SORCS3: variants seen among roughly 807,000 people sequenced by gnomAD.
SORCS3 encodes the protein sortilin related VPS10 domain containing receptor 3.
Under a neutral mutation model 146.3 loss-of-function variants are expected in SORCS3, and 57 were observed. The observed-to-expected ratio is 0.39, with a 90% CI of 0.31 to 0.49. The LOEUF (loss-of-function observed/expected upper bound fraction) is 0.49. Ranked by LOEUF, SORCS3 falls within the 20% of genes least tolerant of loss-of-function variation. The pLI is 0.92. For missense variants in SORCS3, 1,341 were observed against 1,575.5 expected (o/e 0.85, Z 2.52); for synonymous variants, 653 against 618.5 (o/e 1.06, Z -0.83).
intron 2 of SORCS3, among the ~76,000 whole-genome samples, chr10:104,893,721 T>A (rs1401098817): frequency 6.6e-6 from 1 of 152,228 alleles, no homozygotes; most frequent in Non-Finnish European, 1.5e-5. Context: ...GCTCTGCATG[T>A]CGCAAAGAAT....
chr10:104,805,351 C>T lies in SORCS3; in HGVS notation c.628-37441C>T, dbSNP rs76722260. On this transcript the variant is annotated intron_variant, in intron 1 of 26. Coordinates refer to ENST00000369701, the MANE Select transcript of SORCS3 (RefSeq NM_014978.3). ...TTTTGAGAGGGTGACTGAAAGTCAT[C>T]CAAGCCTCAAGAAGGAACATGAGCA... is the stretch of plus-strand genomic sequence containing the variant. 6.8e-3 allele frequency among the ~76,000 whole-genome samples: 1,033 copies of T among 152,184 alleles called. 11 individuals carry two copies. The highest frequency in any genetic ancestry group is 0.023 in the African/African-American group (973 of 41,514).
intron 1 of SORCS3, among the ~76,000 whole-genome samples, chr10:104,780,978 T>C (rs1564682008): frequency 2.0e-5 from 3 of 152,224 alleles, no homozygotes; most frequent in Admixed American, 2.0e-4. Context: ...CAGAGAGTCA[T>C]ATTTTTATAA....
chr10:105,116,384 T>C (rs1356743963), intron 7 of SORCS3, among the ~76,000 whole-genome samples: 2 of 152,128 alleles, frequency 1.3e-5, no homozygotes, highest in African/African-American at 4.8e-5. Flanking sequence ...GTGCCAAAAA[T>C]CTGGGACAAC....
At position 105,223,241 on chromosome 10, in the gene SORCS3, A is replaced by C. The variant is rs916128213; in HGVS notation, c.2860A>C (p.Ser954Arg). Residue 954 changes from serine to arginine, a missense_variant, in exon 20 of 27, where the codon AGC becomes CGC. Ser to Arg is a moderately radical substitution (Grantham distance 110). Coordinates refer to ENST00000369701, the MANE Select transcript of SORCS3 (RefSeq NM_014978.3). The part of the protein sequence containing the change: ...TLTYFWWFGN[S>R]TKPLITLDSS... ...TACCTATTTCTGGTGGTTCGGCAAT[A>C]GCACAAAGGTTTGGCCCTTTCTGAT... 1 of 1,611,172 alleles carries C rather than the reference A, an allele frequency of 6.2e-7. No homozygotes were observed. Among genetic ancestry groups the C allele is most frequent in the African/African-American group, 1.3e-5 (1 of 74,980 alleles).
chr10:104,775,808 G>A (rs926922583), intron 1 of SORCS3, among the ~76,000 whole-genome samples: 8 of 152,306 alleles, frequency 5.3e-5, no homozygotes, highest in African/African-American at 1.9e-4. Context: ...GCCCTTGAAA[G>A]CCAGGGGTTT....
intron 3 of SORCS3, among the ~76,000 whole-genome samples, chr10:104,967,923 A>G (rs1404787): frequency 0.5 from 75,490 of 151,708 alleles, 22,734 homozygotes; most frequent in African/African-American, 0.86. Flanking sequence ...GGCTCCCAAA[A>G]TGCTGGGATT....
chr10:105,154,195 G>A (rs1379612555), intron 9 of SORCS3, among the ~76,000 whole-genome samples: 1 of 151,822 alleles, frequency 6.6e-6, no homozygotes, highest in Non-Finnish European at 1.5e-5. Context: ...GCTTTATCAG[G>A]ACCTTCAGTG....
chr10:105,110,252 G>T (rs1269570134), intron 7 of SORCS3, among the ~76,000 whole-genome samples: 1 of 151,202 alleles, frequency 6.6e-6, no homozygotes, highest in Non-Finnish European at 1.5e-5. Context: ...CCTTCCCTGA[G>T]CTCTTGTATT....
At chr10:105,102,301 G>A (rs1047954212) in intron 6 of SORCS3, among the ~76,000 whole-genome samples, 1 of 152,122 alleles carries the variant, frequency 6.6e-6, no homozygotes, top group African/African-American at 2.4e-5. Context: ...ACAGTGGACT[G>A]GATAAATAAA....
At chr10:104,912,216 G>T (rs2018976204) in intron 2 of SORCS3, among the ~76,000 whole-genome samples, 1 of 152,170 alleles carries the variant, frequency 6.6e-6, no homozygotes. Flanking sequence ...GAGTGCATTT[G>T]AAAATCAGCT....
chr10:105,208,463 A>G (rs1039616339), intron 16 of SORCS3, among the ~76,000 whole-genome samples: 1 of 151,820 alleles, frequency 6.6e-6, no homozygotes, highest in Non-Finnish European at 1.5e-5. Context: ...TCTGCTGATC[A>G]TCATACATAT....
intron 3 of SORCS3, among the ~76,000 whole-genome samples, chr10:104,964,181 A>G (rs2054813732): frequency 6.6e-6 from 1 of 152,160 alleles, no homozygotes; most frequent in Non-Finnish European, 1.5e-5. Flanking sequence ...TTGTATGTGT[A>G]TCATATGCTT....
intron 9 of SORCS3, among the ~76,000 whole-genome samples, chr10:105,156,464 C>T (rs1490520644): frequency 6.6e-6 from 1 of 152,146 alleles, no homozygotes. Context: ...ATATCAAAGG[C>T]GTGCAAATCT....
chr10:104,726,575 G>C (rs940702162), intron 1 of SORCS3, among the ~76,000 whole-genome samples: 9 of 151,898 alleles, frequency 5.9e-5, no homozygotes, highest in African/African-American at 1.9e-4. Context: ...CCCACCATAT[G>C]ACGACCCCCA....
intron 5 of SORCS3, among the ~76,000 whole-genome samples, chr10:105,071,424 A>T (rs1276681327): frequency 6.6e-6 from 1 of 152,244 alleles, no homozygotes; most frequent in Non-Finnish European, 1.5e-5. Flanking sequence ...TGGACTAAGC[A>T]TATTGGGCAG....
chr10:105,171,738 A>G (rs1350976846), intron 13 of SORCS3, among the ~76,000 whole-genome samples: 2 of 152,238 alleles, frequency 1.3e-5, no homozygotes, highest in African/African-American at 2.4e-5. Flanking sequence ...AGGGAGGAAC[A>G]TTGATTCTCA....
At chr10:104,675,064 G>A (rs560613570) in intron 1 of SORCS3, among the ~76,000 whole-genome samples, 5 of 152,304 alleles carry the variant, frequency 3.3e-5, no homozygotes, top group East Asian at 1.9e-4. Flanking sequence ...TGGTTGTACC[G>A]ATTCTACTCC....
rs191206946 is a variant in SORCS3 at position 105,261,743 on chromosome 10, T to A, written c.3444-588T>A. ...GTTTCTGTCTTTGAATAGAGCTATTTAGCTTCTCTTAATCCTTAATCATCT... is the reference window on the plus strand; with the variant it reads ...GTTTCTGTCTTTGAATAGAGCTATTAAGCTTCTCTTAATCCTTAATCATCT... On this transcript the variant is annotated intron_variant, in intron 25 of 26. Coordinates refer to ENST00000369701, the MANE Select transcript of SORCS3 (RefSeq NM_014978.3). Among the ~76,000 whole-genome samples, 182 of 152,320 alleles carry A rather than the reference T, an allele frequency of 1.2e-3. 3 individuals carry two copies. Among genetic ancestry groups the A allele is most frequent in the African/African-American group, 4.2e-3 (176 of 41,568 alleles).
At chr10:104,959,392 G>A (rs910931998) in intron 3 of SORCS3, among the ~76,000 whole-genome samples, 2 of 151,986 alleles carry the variant, frequency 1.3e-5, no homozygotes, top group Non-Finnish European at 2.9e-5. Context: ...CTTATAAAAG[G>A]GACCTCAGAG....
Sources: gnomAD v4.1 joint callset for allele counts (sites outside exome capture counted in the v4.1 genomes callset) on GRCh38, gnomAD v4.1.1 for gene constraint, MANE v1.5 for transcripts, NCBI Gene and HGNC (gene_info 2026-07-23, HGNC 2026-07-21) for gene names.